Variants in COPS7A observed in about 807,000 individuals in gnomAD.
COPS7A encodes the protein COP9 signalosome complex subunit 7a.
A neutral mutation model predicts 35.2 loss-of-function variants in COPS7A; 20 were observed. The ratio of observed to expected loss-of-function variants is 0.57; its 90% CI spans 0.40 to 0.83. The LOEUF is 0.83. COPS7A is among the 40% of genes least tolerant of loss of function. COPS7A has a pLI of 0.00. For missense variants in COPS7A, 247 were observed against 347.5 expected, an observed-to-expected ratio of 0.71 and a Z score of 2.30; for synonymous variants, 139 against 141.4, an observed-to-expected ratio of 0.98 and a Z score of 0.12.
Position 6,730,734 on chromosome 12 carries a change from C to G in COPS7A, c.702C>G (p.Asp234Glu). The G allele has an allele frequency of 6.2e-7, 1 of 1,614,174 alleles. No individual in the cohort carries two copies. Among genetic ancestry groups the G allele is most frequent in the South Asian group, 1.1e-5 (1 of 91,082 alleles). ...TAAAAAATSQDPEQHLTELRE... is the reference protein window; with the variant it reads ...TAAAAAATSQEPEQHLTELRE... ...CAGCAGCCGCAGCCACATCTCAGGA[C>G]CCTGAGCAACACCTGACTGAGCTGA... The change falls in exon 7 of 8, where the codon GAC becomes GAG. Residue 234 changes from aspartate to glutamate, a missense_variant. Asp to Glu is a conservative substitution (Grantham distance 45, BLOSUM62 2). Coordinates refer to ENST00000543155, the MANE Select transcript of COPS7A (RefSeq NM_001164094.2).
At chr12:6,725,402 C>T (rs1941227578) in intron 2 of COPS7A, among the ~76,000 whole-genome samples, 1 of 152,078 alleles carries the variant, frequency 6.6e-6, no homozygotes. Context: ...CGTGATCCGC[C>T]CGCCTTGACC....
chr12:6,731,059 C>T lies in COPS7A; in HGVS notation c.*20C>T, dbSNP rs371965168. 6.8e-6 allele frequency: 11 copies of T among 1,613,944 alleles called. No homozygotes were observed. The highest frequency in any genetic ancestry group is 7.6e-6 in the Non-Finnish European group (9 of 1,179,986). ...AATTGAAAGGACTGTCGTTTCCTCC[C>T]TGGGGATGTGGGGTCCCAGCTGCCT... On this transcript the variant is annotated 3_prime_UTR_variant, in exon 8 of 8. Transcript: ENST00000543155.
intron 2 of COPS7A, among the ~76,000 whole-genome samples, chr12:6,725,341 T>G (rs1357668712): frequency 6.6e-6 from 1 of 152,044 alleles, no homozygotes; most frequent in Non-Finnish European, 1.5e-5. Flanking sequence ...GTATTTTTAG[T>G]AGAGATGGGA....
At position 6,729,738 on chromosome 12, in the gene COPS7A, G is replaced by A. The variant is rs891408722; in HGVS notation, c.530+289G>A. On this transcript the variant is annotated intron_variant, in intron 5 of 7. Transcript: ENST00000543155. This position sits in a 1 kb window ranked among gnomAD's most constrained non-coding sequence, Gnocchi z 4.2. ...GGTCGCCTGTCTTAGGCTAGACTCT[G>A]TCGATTGATCTGTAACTACCATTAT... 1.3e-5 allele frequency among the ~76,000 whole-genome samples: 2 copies of A among 152,198 alleles called. No individual in the cohort carries two copies. Among genetic ancestry groups the A allele is most frequent in the Admixed American group, 6.5e-5 (1 of 15,280 alleles).
chr12:6,727,394 A>G (rs1941284626), intron 2 of COPS7A, among the ~76,000 whole-genome samples: 1 of 151,620 alleles, frequency 6.6e-6, no homozygotes, highest in African/African-American at 2.4e-5. Flanking sequence ...AGGAGAGGAA[A>G]TCTGGGTGGA....
intron 2 of COPS7A, among the ~76,000 whole-genome samples, 161 bp downstream of exon 2, chr12:6,724,979 A>C (rs1464319363): frequency 6.6e-6 from 1 of 152,158 alleles, no homozygotes; most frequent in Non-Finnish European, 1.5e-5. Context: ...TGAACAAGCA[A>C]ACCAGCTCTC....
Position 6,729,653 on chromosome 12 carries a change from A to G in COPS7A, c.530+204A>G, listed in dbSNP as rs139251255. ...GGCGGCAGAAGTCAGTGTCCTTGAT[A>G]TAGTAGTTGGGGGAGGAAAAGGGAG... On this transcript the variant is annotated intron_variant, in intron 5 of 7. Coordinates refer to ENST00000543155, the MANE Select transcript of COPS7A (RefSeq NM_001164094.2). The surrounding 1 kb of genome is among the most constrained non-coding windows in gnomAD (Gnocchi z 4.2). 5.7e-3 allele frequency among the ~76,000 whole-genome samples: 867 copies of G among 152,298 alleles called. 2 individuals carry two copies. The highest frequency in any genetic ancestry group is 0.037 in the Middle Eastern group (11 of 294).
At chr12:6,725,687 C>T (rs1171583121) in intron 2 of COPS7A, 4 of 455,968 alleles carry the variant, frequency 8.8e-6, no homozygotes, top group African/African-American at 4.0e-5. Flanking sequence ...CAGAGAGAAC[C>T]GTTCACACAA....
Position 6,727,958 on chromosome 12 carries a change from G to A in COPS7A, c.195G>A (p.Arg65=). 6.2e-7 allele frequency: 1 copy of A among 1,614,120 alleles called. No homozygotes were observed. The highest frequency in any genetic ancestry group is 8.5e-7 in the Non-Finnish European group (1 of 1,180,040). ...LAESDFASTF[R]LLTVFAYGTY... Reference sequence around the variant, plus strand: ...AGAGTGACTTTGCCTCTACCTTCCGGCTGCTCACAGTGTTTGCTTATGGGA... The same window carrying A: ...AGAGTGACTTTGCCTCTACCTTCCGACTGCTCACAGTGTTTGCTTATGGGA... The change falls in exon 3 of 8, where the codon CGG becomes CGA. Residue 65 remains arginine (R), a synonymous_variant. Coordinates refer to ENST00000543155, the MANE Select transcript of COPS7A (RefSeq NM_001164094.2).
At chr12:6,730,121 AC>A (rs1941354932) in intron 5 of COPS7A, among the ~76,000 whole-genome samples, 1 of 151,978 alleles carries the variant, frequency 6.6e-6, no homozygotes, top group Non-Finnish European at 1.5e-5. Flanking sequence ...GGCTCAAGCC[AC>A]CCTCCACCTC....
chr12:6,726,172 G>A (rs1188850805), intron 2 of COPS7A, among the ~76,000 whole-genome samples: 1 of 152,010 alleles, frequency 6.6e-6, no homozygotes. Flanking sequence ...AAATTAGCCG[G>A]GTGTGGTGGC....
At chr12:6,724,999 T>C (rs1941214811) in intron 2 of COPS7A, among the ~76,000 whole-genome samples, 181 bp downstream of exon 2, 1 of 152,154 alleles carries the variant, frequency 6.6e-6, no homozygotes, top group South Asian at 2.1e-4. Context: ...CCTTTGGAGA[T>C]AAGGGATCTG....
At position 6,724,788 on chromosome 12, in the gene COPS7A, A is replaced by G; in HGVS notation, c.132A>G (p.Gly44=). The G allele has an allele frequency of 6.2e-7, 1 of 1,614,160 alleles. No individual in the cohort carries two copies. Among genetic ancestry groups the G allele is most frequent in the Non-Finnish European group, 8.5e-7 (1 of 1,180,026 alleles). ...AGGCCCCTGGTGTCTACGTGTTTGGAGAACTGCTGGACATGCCCAATGTTA... is the reference window on the plus strand; with the variant it reads ...AGGCCCCTGGTGTCTACGTGTTTGGGGAACTGCTGGACATGCCCAATGTTA... The part of the protein sequence containing the change: ...VLEAPGVYVF[G]ELLDMPNVRE... The change falls in exon 2 of 8, where the codon GGA becomes GGG. Residue 44 remains glycine (G), a synonymous_variant. Coordinates refer to ENST00000543155, the MANE Select transcript of COPS7A (RefSeq NM_001164094.2).
chr12:6,729,565 A>ACTCATTTCCCTTCATCCTCTT lies in COPS7A; in HGVS notation c.530+116_530+117insCTCATTTCCCTTCATCCTCTT. 1 of 1,087,630 alleles carries ACTCATTTCCCTTCATCCTCTT rather than the reference A, an allele frequency of 9.2e-7. No individual in the cohort carries two copies. Among genetic ancestry groups the ACTCATTTCCCTTCATCCTCTT allele is most frequent in the Non-Finnish European group, 1.3e-6 (1 of 761,534 alleles). The allele number at this position is 1,087,630 out of a possible 1,614,324, so 67.4% of individuals were successfully genotyped here. On this transcript the variant is annotated intron_variant, in intron 5 of 7. Coordinates refer to ENST00000543155, the MANE Select transcript of COPS7A (RefSeq NM_001164094.2). The surrounding 1 kb of genome is among the most constrained non-coding windows in gnomAD (Gnocchi z 4.2). Reference sequence around the variant, plus strand: ...GCAGAGGTGGAACCCAAGAGGATGAAGGGAAATGAGTTCATCCCTCCAAAG... The same window carrying ACTCATTTCCCTTCATCCTCTT: ...GCAGAGGTGGAACCCAAGAGGATGAACTCATTTCCCTTCATCCTCTTGGGAAATGAGTTCATCCCTCCAAAG...
chr12:6,730,777 A>G lies in COPS7A; in HGVS notation c.745A>G (p.Thr249Ala). The G allele has an allele frequency of 6.2e-7, 1 of 1,614,184 alleles. No homozygotes were observed. The highest frequency in any genetic ancestry group is 8.5e-7 in the Non-Finnish European group (1 of 1,180,030). Residue 249 changes from threonine (T) to alanine (A), a missense_variant, in exon 7 of 8, where the codon ACC (threonine) becomes GCC (alanine). Transcript: ENST00000543155. ...TGAGCTGAGGGAACCAGCTCCTGGC[A>G]CCAACCAGCGCCAGCCCAGCAAGAA... is the stretch of plus-strand genomic sequence containing the variant. ...LTELREPAPG[T>A]NQRQPSKKAS...
At chr12:6,726,027 A>G (rs1941244056) in intron 2 of COPS7A, 3 of 409,190 alleles carry the variant, frequency 7.3e-6, no homozygotes, top group South Asian at 5.2e-5. Flanking sequence ...TTAAAAATAC[A>G]AACAGGGCTG....
chr12:6,731,425 G>T lies in COPS7A; in HGVS notation c.*386G>T. 2.3e-6 allele frequency: 2 copies of T among 870,000 alleles called. No homozygotes were observed. Among genetic ancestry groups the T allele is most frequent in the Non-Finnish European group, 3.1e-6 (2 of 638,886 alleles). The allele number at this position is 870,000 out of a possible 1,614,324, so 53.9% of individuals were successfully genotyped here. On this transcript the variant is annotated 3_prime_UTR_variant, in exon 8 of 8. Coordinates refer to ENST00000543155, the MANE Select transcript of COPS7A (RefSeq NM_001164094.2). ...TCTGCCACCCCATCCCTGCATGCCT[G>T]ATCCCCAGTTCCTATACCCTACCCC...
chr12:6,730,534 C>T, intron 6 of COPS7A, 27 bp downstream of exon 6: 1 of 1,612,474 alleles, frequency 6.2e-7, no homozygotes, highest in East Asian at 2.2e-5. Flanking sequence ...GCAGGCAGAC[C>T]CAAACTCCTC....
chr12:6,729,246 G>T lies in COPS7A; in HGVS notation c.328-1G>T. 1 of 1,614,128 alleles carries T rather than the reference G, an allele frequency of 6.2e-7. No individual in the cohort carries two copies. The highest frequency in any genetic ancestry group is 8.5e-7 in the Non-Finnish European group (1 of 1,180,018). On this transcript the variant is annotated splice_acceptor_variant, in intron 4 of 7. Coordinates refer to ENST00000543155, the MANE Select transcript of COPS7A (RefSeq NM_001164094.2). LOFTEE classifies it high-confidence loss of function. The surrounding 1 kb of genome is among the most constrained non-coding windows in gnomAD (Gnocchi z 4.2). Reference sequence around the variant, plus strand: ...TCCTGGCCTGATCTCCGCGGCCCCAGTGTATCCCATATGCAGTGTTGCTGG... The same window carrying T: ...TCCTGGCCTGATCTCCGCGGCCCCATTGTATCCCATATGCAGTGTTGCTGG...
Sources: gnomAD v4.1 joint callset for allele counts (sites outside exome capture counted in the v4.1 genomes callset) on GRCh38, gnomAD v4.1.1 for gene constraint, Gnocchi (gnomAD v3.1) non-coding constraint, MANE v1.5 for transcripts, NCBI Gene and HGNC (gene_info 2026-07-23, HGNC 2026-07-21) for gene names.